Variants in ATP2C2 observed in about 807,000 individuals in gnomAD.
ATP2C2 encodes calcium-transporting ATPase type 2C member 2.
ATP2C2 carries 171 observed loss-of-function variants against 110.8 expected under a neutral mutation model. That is an observed-to-expected ratio of 1.54 (90% CI 1.36 to 1.75). The LOEUF (loss-of-function observed/expected upper bound fraction) is 1.75, where lower values mean the gene tolerates loss of function less well. Ranked by LOEUF, ATP2C2 falls within the 40% of genes most tolerant of loss-of-function variation. ATP2C2 has a pLI of 0.00. For synonymous variants in ATP2C2, 804 were observed against 508.4 expected, an observed-to-expected ratio of 1.58 and a Z score of -7.82; for missense variants, 1,963 against 1,235.0, an observed-to-expected ratio of 1.59 and a Z score of -8.84.
chr16:84,401,344 C>G (rs1427063720), intron 2 of ATP2C2, among the ~76,000 whole-genome samples: 2 of 151,736 alleles, frequency 1.3e-5, no homozygotes, highest in Non-Finnish European at 1.5e-5. Context: ...CTGCCTCAGC[C>G]TCCTGTAGTA....
In ATP2C2 at chr16:84,459,154, A is replaced by C; in HGVS notation, c.2182A>C (p.Asn728His). The C allele has an allele frequency of 6.2e-7, 1 of 1,614,134 alleles. No homozygotes were observed. The highest frequency in any genetic ancestry group is 8.5e-7 in the Non-Finnish European group (1 of 1,180,022). ...GGAGGAAGGCAAGGGTATTTTTTAC[A>C]ACATCAAAAACTTTGTCCGATTCCA... is the stretch of plus-strand genomic sequence containing the variant. ...AVEEGKGIFY[N>H]IKNFVRFQLS... is the part of the protein sequence containing the mutation. The change falls in exon 22 of 27, where the codon AAC becomes CAC. Residue 728 changes from asparagine to histidine, a missense_variant. By Grantham distance (68) the Asn-to-His change is moderately conservative. Coordinates refer to ENST00000262429, the MANE Select transcript of ATP2C2 (RefSeq NM_014861.4).
intron 1 of ATP2C2, among the ~76,000 whole-genome samples, chr16:84,389,270 C>G (rs1904506688): frequency 6.6e-6 from 1 of 152,208 alleles, no homozygotes; most frequent in African/African-American, 2.4e-5. Flanking sequence ...TCCAGTACCT[C>G]TCTCAACTGC....
intron 6 of ATP2C2, among the ~76,000 whole-genome samples, chr16:84,412,384 A>G (rs762208461): frequency 0.017 from 591 of 35,048 alleles, 4 homozygotes; most frequent in Middle Eastern, 0.038. Flanking sequence ...GCGTGTGTGT[A>G]TATGTGTCTG....
intron 13 of ATP2C2, among the ~76,000 whole-genome samples, chr16:84,440,291 G>C (rs533779254): frequency 1.3e-5 from 2 of 152,344 alleles, no homozygotes; most frequent in South Asian, 4.1e-4. Flanking sequence ...TCCTCTGCGT[G>C]CTTGGCGTAA....
chr16:84,450,083 CT>C (rs2150580137), intron 17 of ATP2C2, among the ~76,000 whole-genome samples: 1 of 152,370 alleles, frequency 6.6e-6, no homozygotes, highest in Non-Finnish European at 1.5e-5. Context: ...TGCTCCAGGC[CT>C]TGCGGGAGAG....
chr16:84,462,194 G>A, intron 26 of ATP2C2, 65 bp downstream of exon 26: 7 of 1,567,616 alleles, frequency 4.5e-6, no homozygotes, highest in Non-Finnish European at 6.1e-6. Context: ...GCAGCTGCCA[G>A]GTGGGGAGCT....
At chr16:84,385,335 C>T (rs1904304684) in intron 1 of ATP2C2, among the ~76,000 whole-genome samples, 1 of 152,150 alleles carries the variant, frequency 6.6e-6, no homozygotes, top group African/African-American at 2.4e-5. Flanking sequence ...GGATAGTGCT[C>T]AACTATTCAT....
rs762443711 is a variant in ATP2C2, at chr16:84,439,416, T to G, written c.1112-11T>G. The stretch of plus-strand genomic sequence containing the variant: ...AACTTCTCTTCTATAAACTGGTGTT[T>G]GTTGTACCAGGTTGCTGCAGCGTTC... On this transcript the variant is annotated splice_polypyrimidine_tract_variant and intron_variant, in intron 12 of 26. Coordinates refer to ENST00000262429, the MANE Select transcript of ATP2C2 (RefSeq NM_014861.4). The G allele has an allele frequency of 3.1e-6, 5 of 1,613,946 alleles. No homozygotes were observed. In the African/African-American group the frequency reaches 6.7e-5, roughly 22 times the overall value.
intron 24 of ATP2C2, 175 bp from the exon 25 acceptor site, chr16:84,461,539 C>T (rs1261056014): frequency 5.9e-6 from 4 of 682,846 alleles, no homozygotes; most frequent in African/African-American, 3.5e-5. Context: ...GCTGGGGAGA[C>T]CCTGGGGTAG....
At chr16:84,400,539 G>A (rs1407951095) in intron 2 of ATP2C2, among the ~76,000 whole-genome samples, 4 of 152,114 alleles carry the variant, frequency 2.6e-5, no homozygotes, top group African/African-American at 9.7e-5. Flanking sequence ...GTGTTAGCCA[G>A]GATGGTCTCG....
intron 11 of ATP2C2, among the ~76,000 whole-genome samples, chr16:84,435,759 C>T (rs1246092665): frequency 6.6e-6 from 1 of 151,920 alleles, no homozygotes; most frequent in Non-Finnish European, 1.5e-5. Flanking sequence ...TCCAGGAGGT[C>T]AAGGCTGCGG....
rs997455603 is a variant in ATP2C2, at chr16:84,430,456, C to T, written c.986+4655C>T. Reference sequence around the variant, plus strand: ...AGGAGTTTAAGACCAGGTTGGCCAACATGGTGAAACCCCATCTGTACTAAA... The same window carrying T: ...AGGAGTTTAAGACCAGGTTGGCCAATATGGTGAAACCCCATCTGTACTAAA... On this transcript the variant is annotated intron_variant, in intron 11 of 26. Coordinates refer to ENST00000262429, the MANE Select transcript of ATP2C2 (RefSeq NM_014861.4). Among the ~76,000 whole-genome samples the T allele has an allele frequency of 1.2e-4, 18 of 152,230 alleles. No homozygotes were observed. In the South Asian group the frequency reaches 3.7e-3, roughly 32 times the overall value.
intron 1 of ATP2C2, among the ~76,000 whole-genome samples, chr16:84,389,496 G>C (rs981624440): frequency 2.6e-5 from 4 of 152,326 alleles, no homozygotes; most frequent in African/African-American, 9.6e-5. Flanking sequence ...GTCCCATGCG[G>C]TACTCGTGTA....
chr16:84,398,737 A>T, intron 2 of ATP2C2, 128 bp downstream of exon 2: 5 of 721,664 alleles, frequency 6.9e-6, no homozygotes, highest in Non-Finnish European at 1.1e-5. Flanking sequence ...AGGTTGGAAA[A>T]TATTGTTGAT....
chr16:84,413,098 CAA>C (rs35993245), intron 6 of ATP2C2, among the ~76,000 whole-genome samples: 39,170 of 129,738 alleles, frequency 0.3, 5,842 homozygotes, highest in Middle Eastern at 0.44. Flanking sequence ...AACTCTGTCT[CAA>C]AAAAAAAAAA....
chr16:84,371,707 C>T (rs1909964106), intron 1 of ATP2C2, among the ~76,000 whole-genome samples: 3 of 152,172 alleles, frequency 2.0e-5, no homozygotes, highest in African/African-American at 7.2e-5. Context: ...CAGGTATAGC[C>T]CCAGCCCACT....
Position 84,440,881 on chromosome 16 carries a change from C to T in ATP2C2, c.1234C>T (p.Gln412Ter), listed in dbSNP as rs753349133. The T allele has an allele frequency of 1.2e-6, 2 of 1,613,352 alleles. No individual in the cohort carries two copies. The highest frequency in any genetic ancestry group is 1.7e-6 in the Non-Finnish European group (2 of 1,179,924). ...AEVSGVGYDG[Q>*]GTVCLLPSKE... ...GGTCAGCGGAGTTGGGTATGACGGTCAAGGGACTGTGTGTCTTCTACCATC... is the reference window on the plus strand; with the variant it reads ...GGTCAGCGGAGTTGGGTATGACGGTTAAGGGACTGTGTGTCTTCTACCATC... Residue 412 changes from glutamine to a stop codon, truncating the protein, a stop_gained, in exon 14 of 27, where the codon CAA (glutamine) becomes TAA (stop). Coordinates refer to ENST00000262429, the MANE Select transcript of ATP2C2 (RefSeq NM_014861.4). LOFTEE classifies it high-confidence loss of function.
chr16:84,375,686 G>A (rs1375313520), intron 1 of ATP2C2, among the ~76,000 whole-genome samples: 1 of 152,222 alleles, frequency 6.6e-6, no homozygotes, highest in Non-Finnish European at 1.5e-5. Flanking sequence ...GAAACAGGTG[G>A]TCGTAATTTC....
intron 20 of ATP2C2, among the ~76,000 whole-genome samples, chr16:84,454,212 T>G (rs1210135831): frequency 2.0e-5 from 3 of 152,132 alleles, no homozygotes; most frequent in African/African-American, 4.8e-5. Flanking sequence ...ACAGGGTTGG[T>G]AGAGAATTAA....
Sources: gnomAD v4.1 joint callset for allele counts (sites outside exome capture counted in the v4.1 genomes callset) on GRCh38, gnomAD v4.1.1 for gene constraint, MANE v1.5 for transcripts, NCBI Gene and HGNC (gene_info 2026-07-23, HGNC 2026-07-21) for gene names.